Variants in DGKB observed in about 807,000 individuals in gnomAD.
DGKB encodes the protein diacylglycerol kinase beta.
DGKB carries 67 observed loss-of-function variants against 114.3 expected under a neutral mutation model. The ratio of observed to expected loss-of-function variants is 0.59; its 90% CI spans 0.48 to 0.72. DGKB has a LOEUF of 0.72. Among genes scored for constraint, DGKB ranks in the 30% least tolerant of loss-of-function variants. DGKB has a pLI of 0.00. For synonymous variants in DGKB, 398 were observed against 323.1 expected (o/e 1.23, Z -2.49); for missense variants, 907 against 975.2 (o/e 0.93, Z 0.93).
At chr7:14,198,953 T>C (rs2128285548) in intron 23 of DGKB, among the ~76,000 whole-genome samples, 1 of 152,206 alleles carries the variant, frequency 6.6e-6, no homozygotes, top group East Asian at 1.9e-4. Flanking sequence ...AACTGAAATA[T>C]GTCTCAGAAG....
At chr7:14,780,000 T>C (rs1432387946) in intron 2 of DGKB, among the ~76,000 whole-genome samples, 1 of 152,210 alleles carries the variant, frequency 6.6e-6, no homozygotes, top group Non-Finnish European at 1.5e-5. Context: ...CCTCTTCTTC[T>C]ATATTTAATT....
chr7:14,632,328 C>T (rs939547198), intron 13 of DGKB, among the ~76,000 whole-genome samples: 1 of 151,610 alleles, frequency 6.6e-6, no homozygotes, highest in Non-Finnish European at 1.5e-5. Flanking sequence ...AAGGTGCTTG[C>T]TGAAATATTT....
intron 20 of DGKB, among the ~76,000 whole-genome samples, chr7:14,534,281 A>T (rs960667928): frequency 4.6e-5 from 7 of 152,084 alleles, no homozygotes; most frequent in African/African-American, 1.7e-4. Flanking sequence ...TGGTAACTAT[A>T]AAATAAACAA....
rs142297838 is a variant in DGKB, at chr7:14,168,520, C to T, written c.2304+8319G>A. ...CATGCCCAGACTCATCAAAGTCCAA[C>T]TGCTGAAAACTAAAGACAAAGAAAA... On this transcript the variant is annotated intron_variant, in intron 25 of 25. Transcript: ENST00000402815. 2.8e-4 allele frequency among the ~76,000 whole-genome samples: 43 copies of T among 152,268 alleles called. 1 individual carries two copies. Among genetic ancestry groups the T allele is most frequent in the African/African-American group, 9.4e-4 (39 of 41,554 alleles).
intron 14 of DGKB, among the ~76,000 whole-genome samples, chr7:14,622,963 T>C (rs1807921200): frequency 6.6e-6 from 1 of 152,262 alleles, no homozygotes; most frequent in Middle Eastern, 3.4e-3. Context: ...AAAACATCAA[T>C]TATTACAACC....
intron 5 of DGKB, among the ~76,000 whole-genome samples, chr7:14,733,743 A>AAAG (rs1831252807): frequency 1.0e-4 from 1 of 9,866 alleles, no homozygotes; most frequent in Non-Finnish European, 3.5e-4. Context: ...AAGAAGAAAG[A>AAAG]AATAAAGAAG....
intron 21 of DGKB, among the ~76,000 whole-genome samples, chr7:14,378,582 C>A (rs918667174): frequency 2.0e-5 from 3 of 152,072 alleles, no homozygotes; most frequent in Non-Finnish European, 4.4e-5. Flanking sequence ...GAGAATGATA[C>A]AATCAATATT....
intron 23 of DGKB, among the ~76,000 whole-genome samples, chr7:14,287,769 A>C (rs1456056149): frequency 2.0e-5 from 3 of 152,214 alleles, no homozygotes; most frequent in African/African-American, 7.2e-5. Flanking sequence ...GGAGCTTTCC[A>C]GAAGTTGGTG....
At chr7:14,472,720 G>A (rs565831438) in intron 21 of DGKB, among the ~76,000 whole-genome samples, 12 of 152,244 alleles carry the variant, frequency 7.9e-5, no homozygotes, top group East Asian at 5.8e-4. Flanking sequence ...ATATTGATAC[G>A]GACAATGATA....
Position 14,416,691 on chromosome 7 carries a change from A to G in DGKB, c.1835+61470T>C, listed in dbSNP as rs1825781452. 1.3e-5 allele frequency among the ~76,000 whole-genome samples: 2 copies of G among 152,124 alleles called. 1 individual carries two copies. The highest frequency in any genetic ancestry group is 4.1e-4 in the South Asian group (2 of 4,832). ...CATTCTTTCTTGTGTGCTGCCACGT[A>G]AGGCCTTCCCAGCCCCGTGGAACTG... On this transcript the variant is annotated intron_variant, in intron 21 of 25. Coordinates refer to ENST00000402815, the MANE Select transcript of DGKB (RefSeq NM_001350709.2).
chr7:14,695,924 A>T (rs1463926015), intron 8 of DGKB, among the ~76,000 whole-genome samples: 2 of 152,222 alleles, frequency 1.3e-5, no homozygotes, highest in African/African-American at 4.8e-5. Context: ...ATGACAGCAG[A>T]CATAATGTAC....
intron 1 of DGKB, among the ~76,000 whole-genome samples, chr7:14,970,364 T>C (rs1382976039): frequency 6.6e-6 from 1 of 152,020 alleles, no homozygotes; most frequent in Non-Finnish European, 1.5e-5. Flanking sequence ...ACAAATAGTA[T>C]GGTTTCCAGA....
chr7:14,412,344 C>T (rs1825026147), intron 21 of DGKB, among the ~76,000 whole-genome samples: 1 of 152,086 alleles, frequency 6.6e-6, no homozygotes, highest in Non-Finnish European at 1.5e-5. Context: ...TGGGATAATG[C>T]TACAAAGGGA....
At chr7:14,409,881 T>A (rs1824583743) in intron 21 of DGKB, among the ~76,000 whole-genome samples, 1 of 152,132 alleles carries the variant, frequency 6.6e-6, no homozygotes, top group South Asian at 2.1e-4. Context: ...AATAACACTA[T>A]CTTTTCTCTA....
chr7:14,221,061 T>C (rs1486194298), intron 23 of DGKB, among the ~76,000 whole-genome samples: 1 of 151,428 alleles, frequency 6.6e-6, no homozygotes. Flanking sequence ...TCTAATATTA[T>C]TTTGGTGAAT....
chr7:14,382,784 G>C (rs1298294407), intron 21 of DGKB, among the ~76,000 whole-genome samples: 2 of 152,204 alleles, frequency 1.3e-5, no homozygotes, highest in Admixed American at 1.3e-4. Flanking sequence ...TTGAAGAATA[G>C]ATGTGGCTAG....
chr7:14,875,786 T>C (rs1471208263), intron 1 of DGKB, among the ~76,000 whole-genome samples: 1 of 152,148 alleles, frequency 6.6e-6, no homozygotes, highest in African/African-American at 2.4e-5. Context: ...CACAAATTTG[T>C]AAACTTTCTT....
At chr7:14,326,437 G>C (rs915221210) in intron 23 of DGKB, among the ~76,000 whole-genome samples, 1 of 152,132 alleles carries the variant, frequency 6.6e-6, no homozygotes, top group South Asian at 2.1e-4. Flanking sequence ...GCATGAGTCA[G>C]GTGGAGCGGT....
intron 20 of DGKB, among the ~76,000 whole-genome samples, chr7:14,541,406 T>C (rs1042448322): frequency 6.6e-5 from 10 of 152,152 alleles, no homozygotes; most frequent in African/African-American, 2.2e-4. Flanking sequence ...TACAGCCTGC[T>C]CTCACGTAGC....
Sources: gnomAD v4.1 joint callset for allele counts (sites outside exome capture counted in the v4.1 genomes callset) on GRCh38, gnomAD v4.1.1 for gene constraint, MANE v1.5 for transcripts, NCBI Gene and HGNC (gene_info 2026-07-23, HGNC 2026-07-21) for gene names.